The following AFG2A variants were observed in gnomAD, a reference collection of about 807,000 sequenced individuals.
AFG2A encodes ATPase family gene 2 protein homolog A.
At chr4:123,052,430 A>G in the AFG2A span, among the ~76,000 whole-genome samples, 2 of 152,146 alleles carry the variant, frequency 1.3e-5, no homozygotes, top group African/African-American at 4.8e-5. Context: ...ACATATCTCT[A>G]TCACTTTAGG....
chr4:123,156,688 A>G, the AFG2A span, among the ~76,000 whole-genome samples: 1 of 151,336 alleles, frequency 6.6e-6, no homozygotes, highest in African/African-American at 2.4e-5. Context: ...TTTTAAAAGG[A>G]CACAAACCAA....
the AFG2A span, among the ~76,000 whole-genome samples, chr4:122,943,375 T>G: frequency 6.6e-6 from 1 of 152,244 alleles, no homozygotes; most frequent in East Asian, 1.9e-4. Context: ...AATTGATCCC[T>G]TTACCATTAT....
chr4:122,945,898 T>G, the AFG2A span, among the ~76,000 whole-genome samples: 13 of 152,250 alleles, frequency 8.5e-5, no homozygotes, highest in Admixed American at 6.5e-4. Context: ...TTAGTAATTT[T>G]AAGAGTCTGT....
chr4:123,230,545 A>G, the AFG2A span, among the ~76,000 whole-genome samples: 1 of 151,916 alleles, frequency 6.6e-6, no homozygotes, highest in Admixed American at 6.6e-5. Context: ...TGAGGGTTGG[A>G]ATCAACTTCT....
At chr4:122,962,075 A>C in the AFG2A span, among the ~76,000 whole-genome samples, 1 of 152,142 alleles carries the variant, frequency 6.6e-6, no homozygotes, top group African/African-American at 2.4e-5. Flanking sequence ...GGAGCAGACA[A>C]CCTATTTCCC....
At chr4:123,041,206 G>A in the AFG2A span, among the ~76,000 whole-genome samples, 47 of 151,340 alleles carry the variant, frequency 3.1e-4, no homozygotes, top group Middle Eastern at 6.8e-3. Flanking sequence ...CACCTCCCGG[G>A]TTCACGCCAT....
the AFG2A span, among the ~76,000 whole-genome samples, chr4:123,238,895 A>C: frequency 3.7e-4 from 56 of 152,312 alleles, no homozygotes; most frequent in East Asian, 6.4e-3. Context: ...CTCCAAGCTA[A>C]AGAAGCGTGT....
chr4:122,927,002 A>G, the AFG2A span, among the ~76,000 whole-genome samples: 3 of 151,200 alleles, frequency 2.0e-5, no homozygotes, highest in Non-Finnish European at 2.9e-5. Context: ...CTAACTAAAT[A>G]TGGAGCTTGG....
the AFG2A span, among the ~76,000 whole-genome samples, chr4:123,175,947 C>T: frequency 1.6e-3 from 249 of 152,154 alleles, 1 homozygote; most frequent in Middle Eastern, 0.014. Context: ...GGTGTCTTAG[C>T]AAGAGGATGT....
the AFG2A span, among the ~76,000 whole-genome samples, chr4:123,272,840 A>G: frequency 1.3e-5 from 2 of 152,188 alleles, no homozygotes; most frequent in Non-Finnish European, 2.9e-5. Context: ...TAGATTGGTA[A>G]CTAGAGAGAT....
the AFG2A span, among the ~76,000 whole-genome samples, chr4:123,087,613 G>GT: frequency 6.6e-6 from 1 of 152,162 alleles, no homozygotes; most frequent in African/African-American, 2.4e-5. Flanking sequence ...ACTCACAAAT[G>GT]TGTGAGGGAC....
At chr4:123,132,082 T>C in the AFG2A span, among the ~76,000 whole-genome samples, 1 of 152,200 alleles carries the variant, frequency 6.6e-6, no homozygotes, top group African/African-American at 2.4e-5. Context: ...TATTTTCATG[T>C]GCTTCTTGGC....
chr4:123,288,175 T>G, the AFG2A span, among the ~76,000 whole-genome samples: 1 of 152,004 alleles, frequency 6.6e-6, no homozygotes. Flanking sequence ...GTCATTTCAA[T>G]GGGTTTAAAT....
At chr4:123,046,782 TCTCC>T in the AFG2A span, among the ~76,000 whole-genome samples, 1 of 152,168 alleles carries the variant, frequency 6.6e-6, no homozygotes, top group Admixed American at 6.6e-5. Flanking sequence ...TTTTTTTTCA[TCTCC>T]CTCCTCCTCT....
At chr4:123,258,052 G>A in the AFG2A span, among the ~76,000 whole-genome samples, 1 of 152,204 alleles carries the variant, frequency 6.6e-6, no homozygotes, top group Non-Finnish European at 1.5e-5. Context: ...CACAGGAAAA[G>A]TAGCAGAAAA....
At chr4:123,141,812 T>A in the AFG2A span, among the ~76,000 whole-genome samples, 1 of 152,180 alleles carries the variant, frequency 6.6e-6, no homozygotes, top group South Asian at 2.1e-4. Flanking sequence ...TGGATATTAA[T>A]CCCTTATCAG....
the AFG2A span, among the ~76,000 whole-genome samples, chr4:123,064,376 T>C: frequency 0.054 from 8,206 of 152,304 alleles, 526 homozygotes; most frequent in African/African-American, 0.16. Context: ...CCTTTAGTGC[T>C]TATTACATAC....
chr4:123,083,768 T>C, the AFG2A span, among the ~76,000 whole-genome samples: 14 of 152,028 alleles, frequency 9.2e-5, no homozygotes, highest in Non-Finnish European at 1.8e-4. Context: ...GCAATATTTG[T>C]CTGTAGTTTT....
chr4:123,186,919 T>C, the AFG2A span, among the ~76,000 whole-genome samples: 6 of 152,160 alleles, frequency 3.9e-5, no homozygotes, highest in Admixed American at 3.9e-4. Flanking sequence ...TGAATGCCAC[T>C]ACATGGTGGA....
Sources: gnomAD v4.1 joint callset for allele counts (sites outside exome capture counted in the v4.1 genomes callset) on GRCh38, gnomAD v4.1.1 for gene constraint, MANE v1.5 for transcripts, NCBI Gene and HGNC (gene_info 2026-07-23, HGNC 2026-07-21) for gene names.